The following SLC39A3 variants were observed in gnomAD, a reference collection of about 807,000 sequenced individuals.
SLC39A3 encodes the protein zinc transporter ZIP3.
Under a neutral mutation model 5.1 loss-of-function variants are expected in SLC39A3, and 3 were observed. That is an observed-to-expected ratio of 0.59 (90% CI 0.27 to 1.54). SLC39A3 has a LOEUF of 1.54. SLC39A3 is among the 40% of genes most tolerant of loss of function. The pLI, the probability that SLC39A3 is intolerant of heterozygous loss-of-function variation, is 0.12. For synonymous variants in SLC39A3, 250 were observed against 218.8 expected (o/e 1.14, Z -1.26); for missense variants, 412 against 436.4 (o/e 0.94, Z 0.50).
chr19:2,736,916 TTCACTTCCTACTTTCCG>T, intron 2 of SLC39A3, 115 bp downstream of exon 2: 1 of 1,539,948 alleles, frequency 6.5e-7, no homozygotes, highest in Non-Finnish European at 8.8e-7. Flanking sequence ...ACACAGCAAA[TTCACTTCCTACTTTCCG>T]TCACCCTTAC....
Position 2,735,006 on chromosome 19 carries a change from T to A in SLC39A3, c.211-1521A>T. 2 of 985,332 alleles carry A rather than the reference T, an allele frequency of 2.0e-6. No homozygotes were observed. The allele number at this position is 985,332 out of a possible 1,614,324, so 61.0% of individuals were successfully genotyped here. On this transcript the variant is annotated intron_variant, in intron 2 of 2. Coordinates refer to ENST00000269740, the MANE Select transcript of SLC39A3 (RefSeq NM_144564.5). The surrounding 1 kb of genome is among the most constrained non-coding windows in gnomAD (Gnocchi z 5.7). ...TGGGGGCTCGGGAGTAGGGACCTCA[T>A]CCGCCTGACCAGCCCGAGGACAGGA...
rs975048768 is a variant in SLC39A3 at position 2,735,151 on chromosome 19, C to T, written c.211-1666G>A. 6.3e-5 allele frequency: 62 copies of T among 985,320 alleles called. No homozygotes were observed. The highest frequency in any genetic ancestry group is 7.0e-5 in the Non-Finnish European group (58 of 829,982). The allele number at this position is 985,320 out of a possible 1,614,324, so 61.0% of individuals were successfully genotyped here. A position where few individuals can be genotyped will look rare whatever the true frequency, so the allele number is the denominator to read the frequency against. ...AGGGTGACGGGGGTGACACCATGAC[C>T]ATGGGGGAAAAGGGGGGCTGGCAGT... On this transcript the variant is annotated intron_variant, in intron 2 of 2. Transcript: ENST00000269740. The surrounding 1 kb of genome is among the most constrained non-coding windows in gnomAD (Gnocchi z 5.7).
At chr19:2,739,574 C>G (rs1914484178) in intron 1 of SLC39A3, 1 of 152,202 alleles carries the variant, frequency 6.6e-6, no homozygotes, top group Admixed American at 6.5e-5. Flanking sequence ...AAAGTCGTCC[C>G]TCCCCCCCGG....
chr19:2,733,531 G>A lies in SLC39A3; in HGVS notation c.211-46C>T, dbSNP rs1476011974. 3 of 1,559,228 alleles carry A rather than the reference G, an allele frequency of 1.9e-6. No homozygotes were observed. The highest frequency in any genetic ancestry group is 2.6e-6 in the Non-Finnish European group (3 of 1,154,156). On this transcript the variant is annotated intron_variant, in intron 2 of 2. Coordinates refer to ENST00000269740, the MANE Select transcript of SLC39A3 (RefSeq NM_144564.5). This position sits in a 1 kb window ranked among gnomAD's most constrained non-coding sequence, Gnocchi z 6.1. Reference sequence around the variant, plus strand: ...GAGAGAGAGAGAGACCCACGCTCAGGGGTGGCGGCGACAGGGCTGGCCAGA... The same window carrying A: ...GAGAGAGAGAGAGACCCACGCTCAGAGGTGGCGGCGACAGGGCTGGCCAGA...
rs1914341977 is a variant in SLC39A3, at chr19:2,735,698, ATT to A, written c.210+1348_210+1349del. 4 of 346,742 alleles carry A rather than the reference ATT, an allele frequency of 1.2e-5. No individual in the cohort carries two copies. The highest frequency in any genetic ancestry group is 1.6e-5 in the Non-Finnish European group (4 of 246,528). 21.5% of individuals were successfully genotyped at this position (346,742 alleles called of 1,614,324 possible). ...CAGCTGCAACATCCCCTCTGCTGGG[ATT>A]CTGACATAATGGCAGGAGTGACACG... On this transcript the variant is annotated intron_variant, in intron 2 of 2. Coordinates refer to ENST00000269740, the MANE Select transcript of SLC39A3 (RefSeq NM_144564.5). The surrounding 1 kb of genome is among the most constrained non-coding windows in gnomAD (Gnocchi z 5.7).
At chr19:2,736,711 T>C in intron 2 of SLC39A3, 3 of 1,405,054 alleles carry the variant, frequency 2.1e-6, no homozygotes, top group Non-Finnish European at 1.8e-6. Context: ...TACGCAACAG[T>C]AGCTGACTGA....
At position 2,732,885 on chromosome 19, in the gene SLC39A3, C is replaced by G; in HGVS notation, c.811G>C (p.Gly271Arg). 6.2e-7 allele frequency: 1 copy of G among 1,611,872 alleles called. No individual in the cohort carries two copies. Among genetic ancestry groups the G allele is most frequent in the Non-Finnish European group, 8.5e-7 (1 of 1,179,390 alleles). ...ASVLLQGLAG[G>R]TFLFITFLEI... ...AGGAAGGTGATGAAGAGGAAGGTGC[C>G]GCCCGCCAGGCCCTGCAGCAGCACG... The change falls in exon 3 of 3, where the codon GGC (glycine) becomes CGC (arginine). Residue 271 changes from glycine (G) to arginine (R), a missense_variant. Physicochemically the swap from Gly to Arg is moderately radical, Grantham distance 125 (BLOSUM62 -2). Transcript: ENST00000269740.
chr19:2,735,389 T>A lies in SLC39A3; in HGVS notation c.210+1659A>T. 1 of 181,712 alleles carries A rather than the reference T, an allele frequency of 5.5e-6. No individual in the cohort carries two copies. The highest frequency in any genetic ancestry group is 1.1e-5 in the Non-Finnish European group (1 of 95,202). The allele number at this position is 181,712 out of a possible 1,614,324, so 11.3% of individuals were successfully genotyped here. A position where few individuals can be genotyped will look rare whatever the true frequency, so the allele number is the denominator to read the frequency against. ...TCGCAGGGTGTCATCAGGGCTGAGA[T>A]CTCACTGACACCCAGGGTCCTCTTC... On this transcript the variant is annotated intron_variant, in intron 2 of 2. Coordinates refer to ENST00000269740, the MANE Select transcript of SLC39A3 (RefSeq NM_144564.5). The surrounding 1 kb of genome is among the most constrained non-coding windows in gnomAD (Gnocchi z 5.7).
In SLC39A3 at chr19:2,733,059, C is replaced by T. The variant is rs371925515; in HGVS notation, c.637G>A (p.Val213Met). The T allele has an allele frequency of 4.5e-5, 73 of 1,609,794 alleles. 1 individual carries two copies. The highest frequency in any genetic ancestry group is 2.2e-4 in the Admixed American group (13 of 59,744). ...CGGGCCATGCTGATGCCCAGGGCCA[C>T]GGCCACCAGTGTCTCGTGGACGGCC... The part of the protein sequence containing the change: ...GVAVHETLVA[V>M]ALGISMARSA... Residue 213 changes from valine to methionine, a missense_variant, in exon 3 of 3, where the codon GTG becomes ATG. By Grantham distance (21) the Val-to-Met change is conservative. Transcript: ENST00000269740. This position sits in a 1 kb window ranked among gnomAD's most constrained non-coding sequence, Gnocchi z 6.1.
intron 2 of SLC39A3, chr19:2,736,693 T>C (rs1484781143): frequency 3.6e-6 from 5 of 1,372,324 alleles, no homozygotes; most frequent in African/African-American, 1.5e-5. Flanking sequence ...CAGTTTGCTA[T>C]AATTTGTTAC....
chr19:2,733,503 C>A lies in SLC39A3; in HGVS notation c.211-18G>T, dbSNP rs544411505. 1.3e-6 allele frequency: 2 copies of A among 1,573,330 alleles called. No homozygotes were observed. Among genetic ancestry groups the A allele is most frequent in the Admixed American group, 3.5e-5 (2 of 56,838 alleles). ...TTCTGGAGCTGCAGCCGGGGACACCCGAGAGAGAGAGAGAGACCCACGCTC... is the reference window on the plus strand; with the variant it reads ...TTCTGGAGCTGCAGCCGGGGACACCAGAGAGAGAGAGAGAGACCCACGCTC... On this transcript the variant is annotated intron_variant, in intron 2 of 2. Coordinates refer to ENST00000269740, the MANE Select transcript of SLC39A3 (RefSeq NM_144564.5). The surrounding 1 kb of genome is among the most constrained non-coding windows in gnomAD (Gnocchi z 6.1).
At chr19:2,737,423 T>C in intron 1 of SLC39A3, 44 bp from the exon 2 acceptor site, 3 of 299,292 alleles carry the variant, frequency 1.0e-5, no homozygotes, top group Non-Finnish European at 1.0e-5. Flanking sequence ...TTCTTTTTTC[T>C]TTTTTTTTTT....
Position 2,733,100 on chromosome 19 carries a change from C to T in SLC39A3, c.596G>A (p.Ser199Asn), listed in dbSNP as rs1289827620. The T allele has an allele frequency of 1.1e-5, 18 of 1,611,160 alleles. No homozygotes were observed. Among genetic ancestry groups the T allele is most frequent in the African/African-American group, 6.7e-5 (5 of 74,812 alleles). ...GLQEEGEKVV[S>N]LFVGVAVHET... ...GTGGACGGCCACCCCCACGAACAGG[C>T]TCACCACTTTCTCCCCCTCCTCCTG... The change falls in exon 3 of 3, where the codon AGC becomes AAC. Residue 199 changes from serine to asparagine, a missense_variant. Coordinates refer to ENST00000269740, the MANE Select transcript of SLC39A3 (RefSeq NM_144564.5). This position sits in a 1 kb window ranked among gnomAD's most constrained non-coding sequence, Gnocchi z 6.1.
rs775552929 is a variant in SLC39A3 at position 2,733,326 on chromosome 19, C to T, written c.370G>A (p.Gly124Arg). 15 of 1,612,992 alleles carry T rather than the reference C, an allele frequency of 9.3e-6. No homozygotes were observed. Among genetic ancestry groups the T allele is most frequent in the African/African-American group, 4.0e-5 (3 of 74,932 alleles). ...SFIDLETFNA[G>R]SDVGSDSEYE... ...TCCGAGTCGCTGCCCACGTCCGATC[C>T]GGCGTTGAAGGTCTCCAGGTCGATG... The change falls in exon 3 of 3, where the codon GGA becomes AGA. Residue 124 changes from glycine to arginine, a missense_variant. Physicochemically the swap from Gly to Arg is moderately radical, Grantham distance 125. Transcript: ENST00000269740. The surrounding 1 kb of genome is among the most constrained non-coding windows in gnomAD (Gnocchi z 6.1).
rs565398915 is a variant in SLC39A3, at chr19:2,734,557, G to A, written c.211-1072C>T. 34 of 178,562 alleles carry A rather than the reference G, an allele frequency of 1.9e-4. No homozygotes were observed. The highest frequency in any genetic ancestry group is 8.1e-4 in the African/African-American group (34 of 42,100). 11.1% of individuals were successfully genotyped at this position (178,562 alleles called of 1,614,324 possible). On this transcript the variant is annotated intron_variant, in intron 2 of 2. Transcript: ENST00000269740. The surrounding 1 kb of genome is among the most constrained non-coding windows in gnomAD (Gnocchi z 4.6). Reference sequence around the variant, plus strand: ...GAAACATTTTTTATTTTCACAACTCGGGTAGGGGGAAGGTGCTGACATTCG... The same window carrying A: ...GAAACATTTTTTATTTTCACAACTCAGGTAGGGGGAAGGTGCTGACATTCG...
Position 2,733,472 on chromosome 19 carries a change from A to G in SLC39A3, c.224T>C (p.Leu75Pro). The G allele has an allele frequency of 6.2e-7, 1 of 1,610,092 alleles. No homozygotes were observed. The highest frequency in any genetic ancestry group is 8.5e-7 in the Non-Finnish European group (1 of 1,177,964). Residue 75 changes from leucine to proline, a missense_variant, in exon 3 of 3, where the codon CTG (leucine) becomes CCG (proline). Leu to Pro is a moderately conservative substitution (Grantham distance 98). Transcript: ENST00000269740. The surrounding 1 kb of genome is among the most constrained non-coding windows in gnomAD (Gnocchi z 6.1). Reference protein sequence around the residue: ...PAVREKLQKVLSLGHISTDYP... With the variant: ...PAVREKLQKVPSLGHISTDYP... ...GTCGGTGCTGATGTGGCCGAGGCTC[A>G]GGACCTTCTGGAGCTGCAGCCGGGG...
intron 1 of SLC39A3, among the ~76,000 whole-genome samples, chr19:2,739,683 G>A (rs1356362699): frequency 1.3e-5 from 2 of 152,192 alleles, no homozygotes; most frequent in Non-Finnish European, 2.9e-5. Context: ...ATAAAGACCT[G>A]TCCGGCATCT....
intron 1 of SLC39A3, among the ~76,000 whole-genome samples, chr19:2,738,296 T>C (rs1001387606): frequency 7.9e-5 from 12 of 152,002 alleles, no homozygotes; most frequent in African/African-American, 1.5e-4. Flanking sequence ...ACAAGCCTAC[T>C]TGACTTCTGT....
At position 2,732,946 on chromosome 19, in the gene SLC39A3, A is replaced by G; in HGVS notation, c.750T>C (p.Ile250=). 1.2e-6 allele frequency: 2 copies of G among 1,607,964 alleles called. No individual in the cohort carries two copies. Among genetic ancestry groups the G allele is most frequent in the Admixed American group, 1.7e-5 (1 of 59,592 alleles). The change falls in exon 3 of 3, where the codon ATT becomes ATC. Residue 250 remains isoleucine, a synonymous_variant. Coordinates refer to ENST00000269740, the MANE Select transcript of SLC39A3 (RefSeq NM_144564.5). ...TGCCCGGCACGCCCTGGGCGCTCTC[A>G]ATGCCCAGGCCCAGGCCGATGCCCA... ...IPLGIGLGLG[I]ESAQGVPGSV...
Sources: allele counts gnomAD v4.1 joint callset (sites outside exome capture counted in the v4.1 genomes callset), GRCh38; gene constraint gnomAD v4.1.1; non-coding constraint Gnocchi (gnomAD v3.1); transcripts MANE v1.5; gene names NCBI Gene and HGNC (gene_info 2026-07-23, HGNC 2026-07-21).